Variants in PRR11 observed in about 807,000 individuals in gnomAD.
PRR11 encodes the protein proline-rich protein 11.
Under a neutral mutation model 45.6 loss-of-function variants are expected in PRR11, and 30 were observed. The ratio of observed to expected loss-of-function variants is 0.66; its 90% confidence interval spans 0.49 to 0.89. The LOEUF (loss-of-function observed/expected upper bound fraction) is 0.89. PRR11 is among the 40% of genes least tolerant of loss of function. The probability of loss-of-function intolerance (pLI) is 0.00; values close to 1 mark genes in which losing one functional copy is unlikely to be tolerated. For missense variants in PRR11, 373 were observed against 424.8 expected, an observed-to-expected ratio of 0.88 and a Z score of 1.07; for synonymous variants, 128 against 153.5, an observed-to-expected ratio of 0.83 and a Z score of 1.23.
At chr17:59,174,737 C>T (rs1342379559) in intron 2 of PRR11, among the ~76,000 whole-genome samples, 1 of 152,206 alleles carries the variant, frequency 6.6e-6, no homozygotes, top group Non-Finnish European at 1.5e-5. Context: ...GATGTACCTT[C>T]CCTCAGGCTG....
At position 59,197,612 on chromosome 17, in the gene PRR11, C is replaced by G. The variant is rs751764120; in HGVS notation, c.917+9C>G. Reference sequence around the variant, plus strand: ...AAAGTCGATGTAGAGAGGTAATACACTCTCATATCTTTATGCCTTCTACGT... The same window carrying G: ...AAAGTCGATGTAGAGAGGTAATACAGTCTCATATCTTTATGCCTTCTACGT... On this transcript the variant is annotated intron_variant, in intron 8 of 9. Transcript: ENST00000262293. 4.0e-5 allele frequency: 64 copies of G among 1,612,282 alleles called. No individual in the cohort carries two copies. The highest frequency in any genetic ancestry group is 4.4e-5 in the Non-Finnish European group (52 of 1,178,772).
chr17:59,181,723 G>C, intron 2 of PRR11: 1 of 1,555,780 alleles, frequency 6.4e-7, no homozygotes, highest in Non-Finnish European at 8.7e-7. Flanking sequence ...GGACCTACAT[G>C]GGAGGCTGGG....
intron 5 of PRR11, among the ~76,000 whole-genome samples, chr17:59,194,272 C>CACACAA (rs1179496300): frequency 7.5e-6 from 1 of 133,876 alleles, no homozygotes; most frequent in Non-Finnish European, 1.5e-5. Context: ...AATCCTCACA[C>CACACAA]ACACACACAC....
At chr17:59,200,979 G>C (rs1032096301) in intron 9 of PRR11, among the ~76,000 whole-genome samples, 1 of 151,622 alleles carries the variant, frequency 6.6e-6, no homozygotes, top group Non-Finnish European at 1.5e-5. Flanking sequence ...CGTTTTTGGG[G>C]AACAGAAAGT....
chr17:59,205,258 G>T lies in PRR11; in HGVS notation c.*3627G>T, dbSNP rs1229360615. 6.6e-6 allele frequency among the ~76,000 whole-genome samples: 1 copy of T among 151,966 alleles called. No homozygotes were observed. The highest frequency in any genetic ancestry group is 1.5e-5 in the Non-Finnish European group (1 of 67,982). On this transcript the variant is annotated 3_prime_UTR_variant, in exon 10 of 10. Coordinates refer to ENST00000262293, the MANE Select transcript of PRR11 (RefSeq NM_018304.4). Reference sequence around the variant, plus strand: ...TTCCTTAAACTACGATTTATCATATGCTCCCGGTGTTTACTTTGAGACTGA... The same window carrying T: ...TTCCTTAAACTACGATTTATCATATTCTCCCGGTGTTTACTTTGAGACTGA...
chr17:59,165,062 C>T (rs2046672734), intron 1 of PRR11, among the ~76,000 whole-genome samples: 1 of 152,022 alleles, frequency 6.6e-6, no homozygotes, highest in Non-Finnish European at 1.5e-5. Flanking sequence ...GCTCCGTCGC[C>T]CACGCTAGAG....
At chr17:59,179,485 A>G (rs141303074) in intron 2 of PRR11, among the ~76,000 whole-genome samples, 67 of 152,272 alleles carry the variant, frequency 4.4e-4, no homozygotes, top group African/African-American at 1.6e-3. Context: ...CTAATCTTCT[A>G]TCATCTCCTA....
intron 7 of PRR11, 142 bp from the exon 8 acceptor site, chr17:59,197,402 C>T: frequency 1.4e-6 from 1 of 732,684 alleles, no homozygotes; most frequent in Admixed American, 2.4e-5. Context: ...CAGGCGCCCA[C>T]CACCACACCT....
At chr17:59,177,876 G>A (rs1315853063) in intron 2 of PRR11, among the ~76,000 whole-genome samples, 1 of 152,128 alleles carries the variant, frequency 6.6e-6, no homozygotes, top group African/African-American at 2.4e-5. Flanking sequence ...ATGATGGCAT[G>A]TGCCTGTACT....
chr17:59,169,821 A>G lies in PRR11; in HGVS notation c.69A>G (p.Glu23=). 6.2e-7 allele frequency: 1 copy of G among 1,612,270 alleles called. No individual in the cohort carries two copies. The change falls in exon 2 of 10, where the codon GAA becomes GAG. Residue 23 remains glutamate (E), a synonymous_variant. Transcript: ENST00000262293. ...AKAERLFKKK[E]ASHFQSKLIT... ...CCGAAAGATTATTCAAAAAAAAAGA[A>G]GCCTCTCACTTTCAGTCCAAGCTAA...
At chr17:59,163,894 GTC>G in intron 1 of PRR11, among the ~76,000 whole-genome samples, 1 of 152,064 alleles carries the variant, frequency 6.6e-6, no homozygotes, top group East Asian at 1.9e-4. Context: ...GGGAAACCCC[GTC>G]TCTACTAAAA....
intron 7 of PRR11, among the ~76,000 whole-genome samples, chr17:59,196,082 C>A: frequency 9.0e-6 from 1 of 110,992 alleles, no homozygotes; most frequent in African/African-American, 3.6e-5. Context: ...AGAGAGACTC[C>A]ATCTCAAAAA....
intron 4 of PRR11, among the ~76,000 whole-genome samples, chr17:59,190,443 GCCCT>G (rs2046835559): frequency 6.6e-6 from 1 of 151,076 alleles, no homozygotes; most frequent in African/African-American, 2.4e-5. Flanking sequence ...CTGCACTCCA[GCCCT>G]CTAGCCTGGG....
chr17:59,174,836 T>G, intron 2 of PRR11: 2 of 1,258,708 alleles, frequency 1.6e-6, no homozygotes, highest in Non-Finnish European at 1.1e-6. Context: ...TAAGCCTGGA[T>G]CTGGAAAAAC....
At chr17:59,176,991 C>T (rs1045572660) in intron 2 of PRR11, among the ~76,000 whole-genome samples, 1 of 152,044 alleles carries the variant, frequency 6.6e-6, no homozygotes, top group African/African-American at 2.4e-5. Flanking sequence ...GCCACCGCGC[C>T]CAGCCTGAGT....
intron 9 of PRR11, among the ~76,000 whole-genome samples, chr17:59,200,567 G>T (rs140604285): frequency 6.6e-6 from 1 of 151,830 alleles, no homozygotes; most frequent in African/African-American, 2.4e-5. Flanking sequence ...ATCTTGGCTC[G>T]CTGCAAGCTC....
intron 2 of PRR11, among the ~76,000 whole-genome samples, chr17:59,184,412 A>G (rs1305237061): frequency 6.6e-6 from 1 of 152,198 alleles, no homozygotes; most frequent in African/African-American, 2.4e-5. Flanking sequence ...CCGTGAGCCA[A>G]GATCGCACCA....
intron 2 of PRR11, among the ~76,000 whole-genome samples, chr17:59,180,127 C>CT (rs564643757): frequency 0.13 from 14,650 of 114,910 alleles, 1,592 homozygotes; most frequent in East Asian, 0.21. Context: ...TGAGTCTCTC[C>CT]TTTTTTTTTT....
In PRR11 at chr17:59,185,432, A is replaced by G. The variant is rs1234448023; in HGVS notation, c.280-8A>G. ...ATAGGACTCAGAATTGTTTATTATT[A>G]ATTTCAGAGTTTAGAAGTATTGAAA... On this transcript the variant is annotated splice_polypyrimidine_tract_variant and splice_region_variant and intron_variant, in intron 3 of 9. Coordinates refer to ENST00000262293, the MANE Select transcript of PRR11 (RefSeq NM_018304.4). 1 of 1,590,260 alleles carries G rather than the reference A, an allele frequency of 6.3e-7. No individual in the cohort carries two copies. The highest frequency in any genetic ancestry group is 8.6e-7 in the Non-Finnish European group (1 of 1,167,600).
Sources: allele counts gnomAD v4.1 joint callset (sites outside exome capture counted in the v4.1 genomes callset), GRCh38; gene constraint gnomAD v4.1.1; transcripts MANE v1.5; gene names NCBI Gene and HGNC (gene_info 2026-07-23, HGNC 2026-07-21).